Variants in ARHGAP8 observed in about 807,000 individuals in gnomAD.
The protein encoded by ARHGAP8 is Rho GTPase activating protein 8, also known as rho GTPase-activating protein 8.
Under a neutral mutation model 46.1 loss-of-function variants are expected in ARHGAP8, and 62 were observed. That is an observed-to-expected ratio of 1.34 (90% CI 1.10 to 1.66). ARHGAP8 has a LOEUF of 1.66. ARHGAP8 is among the 40% of genes most tolerant of loss of function. The pLI is 0.00. For missense variants in ARHGAP8, 923 were observed against 568.4 expected (o/e 1.62, Z -6.34); for synonymous variants, 375 against 243.1 (o/e 1.54, Z -5.05).
At chr22:44,795,040 C>CA (rs36122461) in intron 2 of ARHGAP8, among the ~76,000 whole-genome samples, 3,393 of 111,586 alleles carry the variant, frequency 0.03, 55 homozygotes, top group Middle Eastern at 0.048. Flanking sequence ...AACTCTGTCT[C>CA]AAAAAAAAAA....
chr22:44,790,116 C>T (rs761886075), intron 2 of ARHGAP8, among the ~76,000 whole-genome samples: 9 of 152,018 alleles, frequency 5.9e-5, no homozygotes, highest in Non-Finnish European at 1.3e-4. Context: ...AAACATAGGA[C>T]GGATGTAATC....
chr22:44,791,203 G>T (rs1927658292), intron 2 of ARHGAP8, among the ~76,000 whole-genome samples: 1 of 152,148 alleles, frequency 6.6e-6, no homozygotes, highest in African/African-American at 2.4e-5. Flanking sequence ...GGATTTCAGT[G>T]CAGTCTACTG....
intron 5 of ARHGAP8, among the ~76,000 whole-genome samples, chr22:44,818,473 C>T (rs1377497331): frequency 1.6e-5 from 2 of 127,476 alleles, no homozygotes; most frequent in African/African-American, 4.1e-5. Flanking sequence ...AATTCACCTG[C>T]TCCTCCTGTT....
intron 10 of ARHGAP8, among the ~76,000 whole-genome samples, chr22:44,857,781 G>A (rs973937844): frequency 6.6e-6 from 1 of 151,828 alleles, no homozygotes; most frequent in African/African-American, 2.4e-5. Context: ...CCTCGGGCTA[G>A]TCACCTAACC....
chr22:44,783,933 A>G (rs1293687821), intron 1 of ARHGAP8, among the ~76,000 whole-genome samples: 1 of 151,958 alleles, frequency 6.6e-6, no homozygotes, highest in Non-Finnish European at 1.5e-5. Context: ...TTCCTGCCTC[A>G]TTCTTGTAAG....
chr22:44,860,586 TCA>T (rs1295048963), intron 11 of ARHGAP8, among the ~76,000 whole-genome samples: 4 of 151,924 alleles, frequency 2.6e-5, no homozygotes, highest in Admixed American at 6.6e-5. Context: ...CCAAATAAGG[TCA>T]CAGTCAGATT....
intron 7 of ARHGAP8, among the ~76,000 whole-genome samples, chr22:44,825,856 C>CT (rs1263956841): frequency 8.8e-6 from 1 of 114,204 alleles, no homozygotes; most frequent in Non-Finnish European, 1.7e-5. Context: ...CGCGTGCTCG[C>CT]TGCTCGGTGC....
At chr22:44,838,944 C>T (rs561878671) in intron 7 of ARHGAP8, among the ~76,000 whole-genome samples, 5 of 152,270 alleles carry the variant, frequency 3.3e-5, no homozygotes, top group Non-Finnish European at 5.9e-5. Flanking sequence ...GGGGAGAGAG[C>T]GCCAGCATCT....
chr22:44,792,006 C>CTTCTTTCT (rs537616131), intron 2 of ARHGAP8, among the ~76,000 whole-genome samples: 1 of 140,810 alleles, frequency 7.1e-6, no homozygotes. Context: ...TCTTCTTTTT[C>CTTCTTTCT]TTCTTTCTTT....
intron 3 of ARHGAP8, among the ~76,000 whole-genome samples, chr22:44,808,063 C>A (rs59559522): frequency 6.6e-6 from 1 of 152,110 alleles, no homozygotes; most frequent in African/African-American, 2.4e-5. Context: ...TGTCTTTCCA[C>A]GGGCAACAAT....
At chr22:44,766,973 G>A (rs1925623885) in intron 1 of ARHGAP8, among the ~76,000 whole-genome samples, 1 of 152,186 alleles carries the variant, frequency 6.6e-6, no homozygotes, top group East Asian at 1.9e-4. Flanking sequence ...CTGGGAAAAT[G>A]GCCACTGCTT....
intron 7 of ARHGAP8, among the ~76,000 whole-genome samples, chr22:44,826,410 A>T (rs1930525744): frequency 6.6e-6 from 1 of 151,976 alleles, no homozygotes; most frequent in African/African-American, 2.4e-5. Context: ...TTGTTTCCTT[A>T]TTCCTGTTAT....
intron 2 of ARHGAP8, among the ~76,000 whole-genome samples, chr22:44,792,669 A>G (rs1481491915): frequency 1.3e-5 from 2 of 152,090 alleles, no homozygotes; most frequent in Non-Finnish European, 2.9e-5. Context: ...CCCCATGACC[A>G]ACATCTGGAA....
intron 7 of ARHGAP8, among the ~76,000 whole-genome samples, chr22:44,833,457 T>C (rs1318964921): frequency 6.6e-6 from 1 of 152,192 alleles, no homozygotes; most frequent in East Asian, 1.9e-4. Flanking sequence ...ACTGTTGATA[T>C]GGTGTATTAT....
At chr22:44,851,184 C>G (rs2070083496) in intron 10 of ARHGAP8, among the ~76,000 whole-genome samples, 1 of 152,152 alleles carries the variant, frequency 6.6e-6, no homozygotes, top group African/African-American at 2.4e-5. Context: ...CATTTGTCCA[C>G]TTCCGGATAG....
chr22:44,775,179 G>T (rs1349184968), intron 1 of ARHGAP8, among the ~76,000 whole-genome samples: 1 of 152,136 alleles, frequency 6.6e-6, no homozygotes, highest in Non-Finnish European at 1.5e-5. Flanking sequence ...AGGTTTCCTG[G>T]GCAGCACAAC....
At chr22:44,841,581 C>G (rs1931655757) in intron 7 of ARHGAP8, among the ~76,000 whole-genome samples, 2 of 152,202 alleles carry the variant, frequency 1.3e-5, no homozygotes, top group Non-Finnish European at 1.5e-5. Context: ...CACCAGTCAG[C>G]TTTTGCTAAT....
chr22:44,779,202 C>T (rs780420492), intron 1 of ARHGAP8, among the ~76,000 whole-genome samples: 3 of 150,072 alleles, frequency 2.0e-5, no homozygotes, highest in Admixed American at 6.7e-5. Flanking sequence ...TGGGTTCAAG[C>T]GATTCTCCTG....
At chr22:44,778,788 A>G (rs1926607012) in intron 1 of ARHGAP8, among the ~76,000 whole-genome samples, 1 of 152,128 alleles carries the variant, frequency 6.6e-6, no homozygotes, top group Admixed American at 6.6e-5. Context: ...CGATAGCAAA[A>G]CAGCAGAAAT....
Sources: allele counts gnomAD v4.1 joint callset (sites outside exome capture counted in the v4.1 genomes callset), GRCh38; gene constraint gnomAD v4.1.1; transcripts MANE v1.5; gene names NCBI Gene and HGNC (gene_info 2026-07-23, HGNC 2026-07-21).